The following DGKB variants were observed in gnomAD, a reference collection of about 807,000 sequenced individuals.
The protein encoded by DGKB is 90 kDa diacylglycerol kinase.
Under a neutral mutation model 114.3 loss-of-function variants are expected in DGKB, and 67 were observed. The ratio of observed to expected loss-of-function variants is 0.59; its 90% confidence interval spans 0.48 to 0.72. The LOEUF is 0.72. DGKB is among the 30% of genes least tolerant of loss of function. The pLI, the probability that DGKB is intolerant of heterozygous loss-of-function variation, is 0.00. For missense variants in DGKB, 907 were observed against 975.2 expected (o/e 0.93, Z 0.93); for synonymous variants, 398 against 323.1 (o/e 1.23, Z -2.49).
At chr7:14,267,435 G>A (rs1797672370) in intron 23 of DGKB, among the ~76,000 whole-genome samples, 1 of 151,720 alleles carries the variant, frequency 6.6e-6, no homozygotes, top group Non-Finnish European at 1.5e-5. Context: ...CCCAATTGCT[G>A]GCCCAGAAAA....
chr7:14,533,257 T>C (rs1791890305), intron 20 of DGKB, among the ~76,000 whole-genome samples: 1 of 151,758 alleles, frequency 6.6e-6, no homozygotes, highest in Non-Finnish European at 1.5e-5. Context: ...ACTCAGTCAA[T>C]AGTAGATTCA....
intron 21 of DGKB, among the ~76,000 whole-genome samples, chr7:14,392,995 G>GTTTTTGTTTTTTT: frequency 5.0e-5 from 3 of 60,546 alleles, no homozygotes; most frequent in East Asian, 5.3e-4. Flanking sequence ...TTTTGTTTTT[G>GTTTTTGTTTTTTT]TTTTTTTTTT....
intron 20 of DGKB, among the ~76,000 whole-genome samples, chr7:14,514,891 G>A (rs1194774588): frequency 2.0e-5 from 3 of 151,778 alleles, no homozygotes; most frequent in Non-Finnish European, 4.4e-5. Context: ...ACAACTCTAG[G>A]GAAAAAAAGA....
chr7:14,759,835 T>C (rs905983680), intron 2 of DGKB, among the ~76,000 whole-genome samples: 6 of 152,134 alleles, frequency 3.9e-5, no homozygotes, highest in African/African-American at 1.4e-4. Context: ...AACTGCCAAA[T>C]TGATTTTCAC....
intron 2 of DGKB, among the ~76,000 whole-genome samples, chr7:14,832,399 T>A (rs1846543970): frequency 6.6e-6 from 1 of 152,072 alleles, no homozygotes; most frequent in African/African-American, 2.4e-5. Context: ...TCCCTCTATT[T>A]ACACTGTTTA....
At chr7:14,238,001 A>C (rs570973437) in intron 23 of DGKB, among the ~76,000 whole-genome samples, 12 of 152,220 alleles carry the variant, frequency 7.9e-5, no homozygotes, top group Middle Eastern at 3.4e-3. Context: ...CACATTTTGA[A>C]TATGTCTATT....
At chr7:14,738,816 T>C (rs938330844) in intron 4 of DGKB, among the ~76,000 whole-genome samples, 4 of 152,146 alleles carry the variant, frequency 2.6e-5, no homozygotes, top group African/African-American at 9.7e-5. Context: ...TTGGTGAAAG[T>C]TTTTCTCTGG....
intron 20 of DGKB, among the ~76,000 whole-genome samples, chr7:14,534,985 G>A (rs920130066): frequency 5.3e-5 from 8 of 152,128 alleles, no homozygotes; most frequent in Non-Finnish European, 1.2e-4. Context: ...AGAATATCAT[G>A]AGACAAAAAT....
At chr7:14,341,075 T>G (rs1427697330) in intron 22 of DGKB, among the ~76,000 whole-genome samples, 1 of 151,704 alleles carries the variant, frequency 6.6e-6, no homozygotes, top group Non-Finnish European at 1.5e-5. Context: ...ATGTTTTCAC[T>G]CTTCAGAGTT....
chr7:14,716,312 T>G (rs548025352), intron 6 of DGKB, among the ~76,000 whole-genome samples: 1 of 152,332 alleles, frequency 6.6e-6, no homozygotes, highest in East Asian at 1.9e-4. Flanking sequence ...GAATCAGATA[T>G]ACCAGTCCTG....
At chr7:14,675,118 C>A (rs569761860) in intron 12 of DGKB, among the ~76,000 whole-genome samples, 2 of 152,080 alleles carry the variant, frequency 1.3e-5, no homozygotes, top group Non-Finnish European at 2.9e-5. Context: ...GAACCCTCTA[C>A]AAAAAACAGA....
At chr7:14,773,599 C>G (rs1438012773) in intron 2 of DGKB, among the ~76,000 whole-genome samples, 5 of 152,010 alleles carry the variant, frequency 3.3e-5, no homozygotes, top group Admixed American at 6.6e-5. Context: ...ACAGTGTAGT[C>G]CCCTTTGTTA....
chr7:14,470,790 C>G (rs1781169391), intron 21 of DGKB, among the ~76,000 whole-genome samples: 1 of 151,414 alleles, frequency 6.6e-6, no homozygotes, highest in Non-Finnish European at 1.5e-5. Context: ...ATTAAAGATT[C>G]TTACAGAAGA....
At chr7:14,539,431 G>A (rs1793059490) in intron 20 of DGKB, among the ~76,000 whole-genome samples, 1 of 151,946 alleles carries the variant, frequency 6.6e-6, no homozygotes, top group South Asian at 2.1e-4. Flanking sequence ...AATCAATATG[G>A]CAAAAATAAA....
intron 1 of DGKB, among the ~76,000 whole-genome samples, chr7:14,889,359 T>C (rs1780815505): frequency 6.6e-6 from 1 of 151,310 alleles, no homozygotes; most frequent in Admixed American, 6.6e-5. Flanking sequence ...GAATGGGAGG[T>C]TGTGTCAGGA....
intron 23 of DGKB, among the ~76,000 whole-genome samples, chr7:14,179,837 A>T (rs1374252446): frequency 6.6e-6 from 1 of 152,226 alleles, no homozygotes; most frequent in East Asian, 1.9e-4. Context: ...CTACAAAATC[A>T]AATGTTAACT....
At chr7:14,407,806 G>C (rs1053347588) in intron 21 of DGKB, among the ~76,000 whole-genome samples, 2 of 152,082 alleles carry the variant, frequency 1.3e-5, no homozygotes, top group Non-Finnish European at 2.9e-5. Flanking sequence ...TGGACTTTGA[G>C]ACTCTTGGCA....
At chr7:14,542,813 G>T (rs1793681334) in intron 20 of DGKB, among the ~76,000 whole-genome samples, 1 of 152,122 alleles carries the variant, frequency 6.6e-6, no homozygotes, top group Admixed American at 6.5e-5. Context: ...GATTTTATCT[G>T]TTGTTACTCA....
At chr7:14,209,348 GA>G (rs1787368885) in intron 23 of DGKB, 1 of 416,626 alleles carries the variant, frequency 2.4e-6, no homozygotes, top group African/African-American at 2.1e-5. Flanking sequence ...TATACGACAA[GA>G]TTGGGTATTT....
Sources: allele counts gnomAD v4.1 joint callset (sites outside exome capture counted in the v4.1 genomes callset), GRCh38; gene constraint gnomAD v4.1.1; transcripts MANE v1.5; gene names NCBI Gene and HGNC (gene_info 2026-07-23, HGNC 2026-07-21).